The following LRRC7 variants were observed in gnomAD, a reference collection of about 807,000 sequenced individuals.
LRRC7 encodes leucine-rich repeat-containing protein 7.
Under a neutral mutation model 175.7 loss-of-function variants are expected in LRRC7, and 23 were observed. The ratio of observed to expected loss-of-function variants is 0.13; its 90% CI spans 0.09 to 0.19. LRRC7 has a LOEUF of 0.19. Ranked by LOEUF, LRRC7 falls within the 10% of genes least tolerant of loss-of-function variation. The pLI, the probability that LRRC7 is intolerant of heterozygous loss-of-function variation, is 1.00. For missense variants in LRRC7, 1,354 were observed against 1,904.7 expected, an observed-to-expected ratio of 0.71 and a Z score of 5.38; for synonymous variants, 685 against 680.9, an observed-to-expected ratio of 1.01 and a Z score of -0.09.
chr1:69,655,558 A>G (rs1422456272), intron 1 of LRRC7, among the ~76,000 whole-genome samples: 1 of 152,104 alleles, frequency 6.6e-6, no homozygotes, highest in African/African-American at 2.4e-5. Context: ...ACTTTGGCTT[A>G]CATCATTTTA....
chr1:69,871,139 A>G (rs1685489746), intron 7 of LRRC7, among the ~76,000 whole-genome samples: 1 of 152,114 alleles, frequency 6.6e-6, no homozygotes. Context: ...GTTGCTTGCC[A>G]TTATAAAGAT....
At chr1:69,645,985 G>A (rs1038453430) in intron 1 of LRRC7, among the ~76,000 whole-genome samples, 14 of 152,138 alleles carry the variant, frequency 9.2e-5, no homozygotes, top group African/African-American at 2.9e-4. Flanking sequence ...CCTCAGAATG[G>A]AATAATAGCT....
At chr1:70,015,026 C>T (rs185568501) in intron 13 of LRRC7, among the ~76,000 whole-genome samples, 34 of 151,974 alleles carry the variant, frequency 2.2e-4, no homozygotes, top group Admixed American at 1.6e-3. Context: ...ATACCCCATA[C>T]GTTGTGAAAA....
chr1:69,572,934 G>A (rs997395544), intron 1 of LRRC7, among the ~76,000 whole-genome samples: 1 of 152,020 alleles, frequency 6.6e-6, no homozygotes, highest in African/African-American at 2.4e-5. Context: ...ATATAATGGT[G>A]TAATTAAAAG....
At chr1:69,987,961 C>A (rs1330846999) in intron 10 of LRRC7, among the ~76,000 whole-genome samples, 1 of 152,040 alleles carries the variant, frequency 6.6e-6, no homozygotes, top group African/African-American at 2.4e-5. Flanking sequence ...GTGACAAGCC[C>A]CTTGATCTGT....
At chr1:70,023,897 G>T (rs147654501) in intron 17 of LRRC7, among the ~76,000 whole-genome samples, 15 of 152,064 alleles carry the variant, frequency 9.9e-5, no homozygotes, top group East Asian at 5.8e-4. Flanking sequence ...GACACAAATC[G>T]TATGAATTCC....
chr1:69,870,746 A>G (rs1445488973), intron 7 of LRRC7, among the ~76,000 whole-genome samples: 1 of 152,046 alleles, frequency 6.6e-6, no homozygotes, highest in Non-Finnish European at 1.5e-5. Flanking sequence ...CCAACATTCT[A>G]TCACTCCCTC....
At chr1:69,901,602 T>C (rs1646136477) in intron 7 of LRRC7, among the ~76,000 whole-genome samples, 1 of 152,192 alleles carries the variant, frequency 6.6e-6, no homozygotes, top group South Asian at 2.1e-4. Context: ...GAAATAATTG[T>C]CTGAACCAGC....
chr1:69,810,811 A>G (rs1228408481), intron 4 of LRRC7, among the ~76,000 whole-genome samples: 1 of 152,182 alleles, frequency 6.6e-6, no homozygotes, highest in Non-Finnish European at 1.5e-5. Context: ...ACCTAAAACC[A>G]TAAAAACCCT....
intron 1 of LRRC7, among the ~76,000 whole-genome samples, chr1:69,602,319 T>C (rs1342756506): frequency 6.6e-6 from 1 of 152,180 alleles, no homozygotes; most frequent in African/African-American, 2.4e-5. Flanking sequence ...CAGCAGTGCA[T>C]GGTTGACTGT....
intron 7 of LRRC7, among the ~76,000 whole-genome samples, chr1:69,880,818 G>A (rs1686526297): frequency 6.6e-6 from 1 of 151,986 alleles, no homozygotes; most frequent in South Asian, 2.1e-4. Flanking sequence ...CTTAAATCAG[G>A]GCTTTACTCT....
At chr1:69,718,415 T>C (rs1232882029) in intron 2 of LRRC7, among the ~76,000 whole-genome samples, 1 of 151,780 alleles carries the variant, frequency 6.6e-6, no homozygotes, top group Non-Finnish European at 1.5e-5. Flanking sequence ...AGAATAACAG[T>C]TAACTTCAAT....
chr1:69,979,158 T>C (rs893814644), intron 8 of LRRC7, among the ~76,000 whole-genome samples: 1 of 152,192 alleles, frequency 6.6e-6, no homozygotes, highest in Non-Finnish European at 1.5e-5. Flanking sequence ...GAATGGGCCA[T>C]GTTCCCATCC....
intron 25 of LRRC7, among the ~76,000 whole-genome samples, chr1:70,097,312 A>C (rs914960211): frequency 6.6e-6 from 1 of 152,234 alleles, no homozygotes; most frequent in Non-Finnish European, 1.5e-5. Flanking sequence ...TTCTGACCAT[A>C]TAATGATGCG....
At chr1:69,879,747 C>A (rs1686409845) in intron 7 of LRRC7, 1 of 152,274 alleles carries the variant, frequency 6.6e-6, no homozygotes, top group South Asian at 2.1e-4. Flanking sequence ...GAGCGGGGAC[C>A]ACTCGGTTTT....
chr1:69,889,576 G>A (rs1320271294), intron 7 of LRRC7, among the ~76,000 whole-genome samples: 2 of 152,316 alleles, frequency 1.3e-5, no homozygotes, highest in East Asian at 3.9e-4. Context: ...GGAGGCTAAA[G>A]CAGGTGGATT....
At chr1:69,943,719 C>G (rs1648980653) in intron 8 of LRRC7, among the ~76,000 whole-genome samples, 1 of 151,936 alleles carries the variant, frequency 6.6e-6, no homozygotes, top group Admixed American at 6.6e-5. Context: ...GGAATTCATG[C>G]AAATAGGGCT....
intron 1 of LRRC7, among the ~76,000 whole-genome samples, chr1:69,638,530 G>A (rs2100417057): frequency 6.6e-6 from 1 of 151,842 alleles, no homozygotes; most frequent in Non-Finnish European, 1.5e-5. Flanking sequence ...GGATGAAATA[G>A]AGGATTAGTA....
chr1:69,914,699 T>C (rs1646634573), intron 7 of LRRC7, among the ~76,000 whole-genome samples: 1 of 152,184 alleles, frequency 6.6e-6, no homozygotes, highest in Non-Finnish European at 1.5e-5. Context: ...TCTTAGACTT[T>C]AAGAACAGGT....
Sources: allele counts gnomAD v4.1 joint callset (sites outside exome capture counted in the v4.1 genomes callset), GRCh38; gene constraint gnomAD v4.1.1; transcripts MANE v1.5; gene names NCBI Gene and HGNC (gene_info 2026-07-23, HGNC 2026-07-21).